ANO3: variants seen among roughly 807,000 people sequenced by gnomAD.
ANO3 encodes the protein anoctamin-3.
ANO3 carries 99 observed loss-of-function variants against 144.8 expected under a neutral mutation model. The observed-to-expected ratio is 0.68, with a 90% CI of 0.58 to 0.81. The LOEUF (loss-of-function observed/expected upper bound fraction) is 0.81. Among genes scored for constraint, ANO3 ranks in the 30% least tolerant of loss-of-function variants. The pLI is 0.00. For synonymous variants in ANO3, 414 were observed against 392.6 expected, an observed-to-expected ratio of 1.05 and a Z score of -0.64; for missense variants, 905 against 1,202.2, an observed-to-expected ratio of 0.75 and a Z score of 3.66.
At chr11:26,553,429 C>G (rs1025171368) in intron 13 of ANO3, 84 bp downstream of exon 13, 3 of 871,838 alleles carry the variant, frequency 3.4e-6, no homozygotes, top group African/African-American at 3.4e-5. Flanking sequence ...AGCTTTTTAC[C>G]AAAGTTAAGT....
intron 1 of ANO3, among the ~76,000 whole-genome samples, chr11:26,381,843 C>A (rs1180914318): frequency 6.6e-6 from 1 of 151,984 alleles, no homozygotes; most frequent in African/African-American, 2.4e-5. Context: ...AGATGACTTC[C>A]CAGTAGAGCA....
At chr11:26,250,375 T>C (rs1375676237) in intron 1 of ANO3, among the ~76,000 whole-genome samples, 2 of 152,232 alleles carry the variant, frequency 1.3e-5, no homozygotes, top group Admixed American at 1.3e-4. Context: ...ATTTTTATTA[T>C]ATCCTGAGCT....
At chr11:26,629,337 C>G (rs1425026980) in intron 18 of ANO3, among the ~76,000 whole-genome samples, 2 of 152,152 alleles carry the variant, frequency 1.3e-5, no homozygotes, top group Non-Finnish European at 2.9e-5. Context: ...CAGTCCTTCA[C>G]TCTACAATGT....
rs991184332 is a variant in ANO3 at position 26,314,967 on chromosome 11, T to C, written c.-3+5248T>C. 3.3e-5 allele frequency among the ~76,000 whole-genome samples: 5 copies of C among 152,298 alleles called. No homozygotes were observed. In the South Asian group the frequency reaches 8.3e-4, roughly 25 times the overall value. ...CAAGCCATTCAGCATTGCATAGTTA[T>C]GTGTAGTTGATAAGTTATATTGTTA... On this transcript the variant is annotated intron_variant, in intron 1 of 26. Coordinates refer to the ANO3 transcript ENST00000525139.
chr11:26,651,668 C>A (rs935605824), intron 24 of ANO3, among the ~76,000 whole-genome samples: 3 of 151,782 alleles, frequency 2.0e-5, no homozygotes, highest in Admixed American at 2.0e-4. Context: ...AATTTCTCAG[C>A]TTTAATTTCA....
intron 1 of ANO3, among the ~76,000 whole-genome samples, chr11:26,350,764 A>G (rs1319057069): frequency 2.6e-5 from 4 of 152,164 alleles, no homozygotes; most frequent in African/African-American, 9.7e-5. Flanking sequence ...TTTTAACTCT[A>G]CTAAAGTTAG....
intron 1 of ANO3, among the ~76,000 whole-genome samples, chr11:26,219,576 G>A (rs1308835854): frequency 2.6e-5 from 4 of 152,160 alleles, no homozygotes; most frequent in African/African-American, 4.8e-5. Flanking sequence ...TGGGGAAAGT[G>A]AGACATGCAA....
chr11:26,197,278 G>A (rs112624309), intron 1 of ANO3, among the ~76,000 whole-genome samples: 1 of 152,160 alleles, frequency 6.6e-6, no homozygotes. Flanking sequence ...ACATGAGGAA[G>A]GTTCGCAATA....
intron 14 of ANO3, among the ~76,000 whole-genome samples, chr11:26,567,764 A>T (rs1850650854): frequency 6.6e-6 from 1 of 152,020 alleles, no homozygotes; most frequent in African/African-American, 2.4e-5. Context: ...AAGAGCCTCA[A>T]ACCTAAGTGT....
chr11:26,301,827 A>G (rs73441537), intron 1 of ANO3, among the ~76,000 whole-genome samples: 2,330 of 152,292 alleles, frequency 0.015, 55 homozygotes, highest in African/African-American at 0.054. Context: ...CCCTGCCCCC[A>G]TTGATGTCAT....
chr11:26,455,879 T>C (rs1859136004), intron 3 of ANO3, among the ~76,000 whole-genome samples: 1 of 151,558 alleles, frequency 6.6e-6, no homozygotes, highest in Non-Finnish European at 1.5e-5. Context: ...AACAGAGATA[T>C]AGATCAATGG....
chr11:26,349,501 CTAT>C (rs1855580461), intron 1 of ANO3, among the ~76,000 whole-genome samples: 1 of 152,062 alleles, frequency 6.6e-6, no homozygotes, highest in African/African-American at 2.4e-5. Context: ...CTGCTACATA[CTAT>C]TATAAGTCAC....
At chr11:26,562,273 T>G (rs1057370326) in intron 14 of ANO3, among the ~76,000 whole-genome samples, 2 of 151,978 alleles carry the variant, frequency 1.3e-5, no homozygotes, top group East Asian at 1.9e-4. Flanking sequence ...CATTTATAAT[T>G]TACAGATTTG....
chr11:26,398,107 AG>A (rs1473820440), intron 1 of ANO3, among the ~76,000 whole-genome samples: 2 of 152,110 alleles, frequency 1.3e-5, no homozygotes, highest in Admixed American at 1.3e-4. Context: ...CTATATATTT[AG>A]GAGAAAACAC....
At chr11:26,285,665 G>A (rs149074943) in intron 1 of ANO3, 154 of 152,156 alleles carry the variant, frequency 1.0e-3, no homozygotes, top group African/African-American at 3.4e-3. Flanking sequence ...CAACCAACTG[G>A]GCACCACTTG....
At chr11:26,207,135 G>A (rs1851811885) in intron 1 of ANO3, among the ~76,000 whole-genome samples, 2 of 152,084 alleles carry the variant, frequency 1.3e-5, no homozygotes, top group South Asian at 2.1e-4. Context: ...ACAGCACAGC[G>A]TCTCTAGCTA....
chr11:26,553,853 A>G (rs1318370384), intron 13 of ANO3, among the ~76,000 whole-genome samples: 4 of 152,098 alleles, frequency 2.6e-5, no homozygotes, highest in Admixed American at 1.3e-4. Context: ...GTGTATTTCA[A>G]ATTTTCCTGG....
intron 8 of ANO3, 133 bp from the exon 9 acceptor site, chr11:26,534,323 A>G (rs983458758): frequency 1.9e-6 from 1 of 527,370 alleles, no homozygotes; most frequent in African/African-American, 1.9e-5. Flanking sequence ...TTCTCTGTCA[A>G]TTTTTTTTTA....
chr11:26,566,467 A>T (rs994242896), intron 14 of ANO3, among the ~76,000 whole-genome samples: 19 of 152,010 alleles, frequency 1.2e-4, no homozygotes, highest in African/African-American at 4.6e-4. Flanking sequence ...ATCTAGTTTG[A>T]ATTAATACTA....
Sources: gnomAD v4.1 joint callset for allele counts (sites outside exome capture counted in the v4.1 genomes callset) on GRCh38, gnomAD v4.1.1 for gene constraint, MANE v1.5 for transcripts, NCBI Gene and HGNC (gene_info 2026-07-23, HGNC 2026-07-21) for gene names.